The following SLC38A6 variants were observed in gnomAD, a reference collection of about 807,000 sequenced individuals.
SLC38A6 encodes the protein N system amino acid transporter NAT-1.
Under a neutral mutation model 65.0 loss-of-function variants are expected in SLC38A6, and 73 were observed. That is an observed-to-expected ratio of 1.12 (90% CI 0.93 to 1.37). The LOEUF (loss-of-function observed/expected upper bound fraction) is 1.37, where lower values mean the gene tolerates loss of function less well. SLC38A6 is among the 40% of genes most tolerant of loss of function. The probability of loss-of-function intolerance (pLI) is 0.00; values close to 1 mark genes in which losing one functional copy is unlikely to be tolerated. For missense variants in SLC38A6, 561 were observed against 531.1 expected (o/e 1.06, Z -0.55); for synonymous variants, 183 against 178.8 (o/e 1.02, Z -0.19).
At chr14:61,071,053 C>G (rs925086634) in intron 15 of SLC38A6, among the ~76,000 whole-genome samples, 4 of 152,030 alleles carry the variant, frequency 2.6e-5, no homozygotes, top group Non-Finnish European at 4.4e-5. Context: ...TGTTGTCCCA[C>G]TTGTCTATTT....
chr14:61,082,969 G>A (rs1222060756), intron 16 of SLC38A6, among the ~76,000 whole-genome samples: 1 of 152,068 alleles, frequency 6.6e-6, no homozygotes, highest in Non-Finnish European at 1.5e-5. Flanking sequence ...ACATATCCGG[G>A]AATAATTGAA....
chr14:61,006,192 G>T (rs1367097345), intron 3 of SLC38A6, among the ~76,000 whole-genome samples: 1 of 152,194 alleles, frequency 6.6e-6, no homozygotes, highest in Non-Finnish European at 1.5e-5. Flanking sequence ...ATGGATTAAA[G>T]ACTTAAACAT....
chr14:61,004,922 G>T (rs1432166360), intron 3 of SLC38A6, among the ~76,000 whole-genome samples: 1 of 152,090 alleles, frequency 6.6e-6, no homozygotes, highest in East Asian at 1.9e-4. Flanking sequence ...GATGAACATG[G>T]ATGCAAAAAT....
intron 3 of SLC38A6, among the ~76,000 whole-genome samples, chr14:61,013,961 T>A (rs959991767): frequency 2.6e-5 from 4 of 152,242 alleles, no homozygotes; most frequent in African/African-American, 9.6e-5. Flanking sequence ...TTCTCCTGGA[T>A]AATATGCTGC....
At chr14:61,049,829 T>C (rs2042399429) in intron 12 of SLC38A6, among the ~76,000 whole-genome samples, 1 of 152,122 alleles carries the variant, frequency 6.6e-6, no homozygotes. Flanking sequence ...TCTTTCCCCT[T>C]GTCTGGGTTG....
chr14:61,067,553 A>G (rs142294482), intron 15 of SLC38A6, among the ~76,000 whole-genome samples: 165 of 152,292 alleles, frequency 1.1e-3, no homozygotes, highest in African/African-American at 3.3e-3. Flanking sequence ...ACTTTACATC[A>G]GCATTTTTAG....
chr14:61,019,720 C>CTTT, intron 5 of SLC38A6, 140 bp downstream of exon 5: 1 of 609,930 alleles, frequency 1.6e-6, no homozygotes, highest in Non-Finnish European at 2.7e-6. Flanking sequence ...CCTCTTTACT[C>CTTT]TTTTTTTTTT....
chr14:61,038,148 T>A (rs79829019), intron 8 of SLC38A6, among the ~76,000 whole-genome samples: 1 of 152,152 alleles, frequency 6.6e-6, no homozygotes, highest in African/African-American at 2.4e-5. Flanking sequence ...CTATTTTGTC[T>A]GGTTTATTCA....
chr14:61,031,645 C>T (rs2041000098), intron 6 of SLC38A6, among the ~76,000 whole-genome samples: 1 of 151,956 alleles, frequency 6.6e-6, no homozygotes, highest in African/African-American at 2.4e-5. Context: ...TTATCTACAG[C>T]TTTATCTAGT....
intron 6 of SLC38A6, 104 bp downstream of exon 6, chr14:61,030,627 G>A (rs959528523): frequency 1.1e-5 from 8 of 738,988 alleles, no homozygotes; most frequent in Non-Finnish European, 1.8e-5. Flanking sequence ...AATAAATGTA[G>A]TCCTTGCCCT....
intron 3 of SLC38A6, among the ~76,000 whole-genome samples, chr14:60,989,539 C>T (rs2139701011): frequency 6.6e-6 from 1 of 152,100 alleles, no homozygotes; most frequent in East Asian, 1.9e-4. Context: ...GCCTGGGCAA[C>T]ATGGTGAAAC....
chr14:61,035,186 G>A (rs1317890976), intron 6 of SLC38A6, among the ~76,000 whole-genome samples: 1 of 152,062 alleles, frequency 6.6e-6, no homozygotes. Context: ...GCGTGTGTAT[G>A]TATGTGTATA....
intron 3 of SLC38A6, among the ~76,000 whole-genome samples, chr14:61,003,625 G>C (rs942608780): frequency 1.3e-5 from 2 of 152,144 alleles, no homozygotes; most frequent in African/African-American, 4.8e-5. Flanking sequence ...AATTTTAAAA[G>C]TATTTCCCTA....
chr14:61,022,542 G>T (rs1312686738), intron 5 of SLC38A6, among the ~76,000 whole-genome samples: 1 of 150,682 alleles, frequency 6.6e-6, no homozygotes, highest in African/African-American at 2.4e-5. Context: ...TCATTAAAAT[G>T]GATTTTGATT....
chr14:61,069,114 A>T (rs143448318), intron 15 of SLC38A6, among the ~76,000 whole-genome samples: 104 of 152,214 alleles, frequency 6.8e-4, no homozygotes, highest in African/African-American at 2.4e-3. Context: ...ATTAAATCCA[A>T]ATCTCTGAGG....
chr14:61,051,118 C>T (rs916013784), intron 13 of SLC38A6, among the ~76,000 whole-genome samples: 2 of 152,144 alleles, frequency 1.3e-5, no homozygotes, highest in South Asian at 4.1e-4. Context: ...TTCATTGCAT[C>T]TGGTTGCTAT....
intron 3 of SLC38A6, among the ~76,000 whole-genome samples, chr14:61,014,706 G>T (rs562196852): frequency 6.5e-4 from 99 of 152,312 alleles, no homozygotes; most frequent in Middle Eastern, 3.4e-3. Flanking sequence ...GCGGATATTG[G>T]TGAACAGCAA....
At chr14:61,007,872 AT>A (rs1346083511) in intron 3 of SLC38A6, among the ~76,000 whole-genome samples, 1 of 152,218 alleles carries the variant, frequency 6.6e-6, no homozygotes, top group East Asian at 1.9e-4. Context: ...CATGTATAAC[AT>A]TATCAATTAA....
chr14:61,005,043 C>A (rs868154848), intron 3 of SLC38A6, among the ~76,000 whole-genome samples: 6 of 152,198 alleles, frequency 3.9e-5, no homozygotes, highest in South Asian at 2.1e-4. Context: ...ATACGCAAAT[C>A]AATAAATGTA....
Sources: allele counts gnomAD v4.1 joint callset (sites outside exome capture counted in the v4.1 genomes callset), GRCh38; gene constraint gnomAD v4.1.1; transcripts MANE v1.5; gene names NCBI Gene and HGNC (gene_info 2026-07-23, HGNC 2026-07-21).